The following SAXO1 variants were observed in gnomAD, a reference collection of about 807,000 sequenced individuals.
The protein encoded by SAXO1 is 4930500O09Rik.
In SAXO1, 21 loss-of-function variants were observed where a neutral mutation model predicts 17.5. That is an observed-to-expected ratio of 1.20 (90% CI 0.85 to 1.72). The LOEUF is 1.72. Ranked by LOEUF, SAXO1 falls within the 40% of genes most tolerant of loss-of-function variation. The pLI, the probability that SAXO1 is intolerant of heterozygous loss-of-function variation, is 0.00. For synonymous variants in SAXO1, 274 were observed against 216.5 expected (o/e 1.27, Z -2.33); for missense variants, 843 against 596.0 (o/e 1.41, Z -4.32).
At chr9:19,027,434 T>G (rs979217848) in intron 1 of SAXO1, 6 of 756,576 alleles carry the variant, frequency 7.9e-6, no homozygotes, top group African/African-American at 1.7e-5. Context: ...ATCCAGGAAC[T>G]GGTGGAGGCC....
At chr9:19,016,094 A>G (rs532010020) in intron 1 of SAXO1, among the ~76,000 whole-genome samples, 22 of 152,176 alleles carry the variant, frequency 1.4e-4, no homozygotes, top group African/African-American at 5.1e-4. Context: ...TCCAAGGACA[A>G]TAATATAAGA....
chr9:19,016,677 G>A (rs2131004632), intron 1 of SAXO1, among the ~76,000 whole-genome samples: 1 of 152,114 alleles, frequency 6.6e-6, no homozygotes, highest in Non-Finnish European at 1.5e-5. Context: ...ATGTCCATTG[G>A]TGCCACAGAT....
chr9:18,999,799 T>C (rs1834176749), intron 1 of SAXO1, among the ~76,000 whole-genome samples: 1 of 146,844 alleles, frequency 6.8e-6, no homozygotes, highest in Non-Finnish European at 1.5e-5. Context: ...GAGGAGCACC[T>C]CTGCCCGGCT....
At chr9:19,005,113 AC>A (rs1006347892) in intron 1 of SAXO1, among the ~76,000 whole-genome samples, 4 of 152,224 alleles carry the variant, frequency 2.6e-5, no homozygotes, top group Non-Finnish European at 5.9e-5. Context: ...AAACTACAAG[AC>A]ATTGCTGAAA....
intron 1 of SAXO1, chr9:19,028,221 C>G (rs1835594575): frequency 4.2e-6 from 4 of 962,904 alleles, no homozygotes; most frequent in East Asian, 2.7e-5. Flanking sequence ...AAAAAAAATA[C>G]AAAAATTAGC....
At chr9:19,005,933 G>T (rs1022774401) in intron 1 of SAXO1, among the ~76,000 whole-genome samples, 1 of 151,834 alleles carries the variant, frequency 6.6e-6, no homozygotes, top group Non-Finnish European at 1.5e-5. Context: ...TTTTAAAATG[G>T]CAAAAACAAA....
chr9:18,957,271 T>A (rs957695686), intron 1 of SAXO1, among the ~76,000 whole-genome samples: 5 of 152,070 alleles, frequency 3.3e-5, no homozygotes, highest in Non-Finnish European at 7.4e-5. Context: ...TAAACGAGAG[T>A]GTCATTAGAT....
At chr9:18,956,654 T>A (rs1661348866) in intron 1 of SAXO1, among the ~76,000 whole-genome samples, 3 of 152,312 alleles carry the variant, frequency 2.0e-5, no homozygotes, top group South Asian at 2.1e-4. Flanking sequence ...CGAACTTCAA[T>A]CTTCTCCTCT....
At chr9:18,943,360 T>C (rs759533194) in intron 2 of SAXO1, among the ~76,000 whole-genome samples, 1 of 152,180 alleles carries the variant, frequency 6.6e-6, no homozygotes, top group Non-Finnish European at 1.5e-5. Context: ...ACTGTACATA[T>C]CGGGGCTTAT....
intron 2 of SAXO1, chr9:18,947,871 G>T (rs953862439): frequency 6.6e-6 from 1 of 152,194 alleles, no homozygotes; most frequent in African/African-American, 2.4e-5. Flanking sequence ...CATGCCTCAC[G>T]CTGGGATGAT....
chr9:18,973,615 G>A (rs1293923565), intron 1 of SAXO1, among the ~76,000 whole-genome samples: 1 of 152,214 alleles, frequency 6.6e-6, no homozygotes, highest in East Asian at 1.9e-4. Flanking sequence ...CAAGCTGGGT[G>A]TCTCATCTGT....
chr9:19,030,076 T>C (rs1588562755), intron 1 of SAXO1, among the ~76,000 whole-genome samples: 1 of 152,074 alleles, frequency 6.6e-6, no homozygotes, highest in African/African-American at 2.4e-5. Flanking sequence ...TTTTCTTTGA[T>C]GGGGAGCCAC....
At chr9:18,951,007 C>T (rs930104236) in intron 1 of SAXO1, 70 bp from the exon 2 acceptor site, 2 of 1,436,122 alleles carry the variant, frequency 1.4e-6, no homozygotes, top group Non-Finnish European at 1.9e-6. Context: ...AAGAGTACTT[C>T]CGCCAAATGT....
chr9:18,971,255 T>G (rs1427864555), intron 1 of SAXO1, among the ~76,000 whole-genome samples: 1 of 152,156 alleles, frequency 6.6e-6, no homozygotes, highest in Non-Finnish European at 1.5e-5. Context: ...TCTCCACTGC[T>G]CGTAAGCTGC....
At chr9:18,975,203 CTGCAGGCTGGGGAAGCAGGGAGAG>C (rs143134016) in intron 1 of SAXO1, among the ~76,000 whole-genome samples, 119,502 of 149,784 alleles carry the variant, frequency 0.8, 48,012 homozygotes, top group Non-Finnish European at 0.83. Context: ...AGCAAGGAGG[CTGCAGGCTGGGGAAGCAGGGAGAG>C]TGCAGGCTGG....
intron 1 of SAXO1, among the ~76,000 whole-genome samples, chr9:18,993,977 C>CTTTCTT (rs1340008014): frequency 5.9e-5 from 9 of 152,186 alleles, no homozygotes; most frequent in Non-Finnish European, 1.3e-4. Flanking sequence ...AAAGGCGAAC[C>CTTTCTT]TACAAAATGA....
chr9:18,944,836 G>A (rs1831721173), intron 2 of SAXO1, among the ~76,000 whole-genome samples: 1 of 152,176 alleles, frequency 6.6e-6, no homozygotes, highest in Admixed American at 6.5e-5. Flanking sequence ...ATGACAAAGG[G>A]CCATGCAACA....
intron 1 of SAXO1, among the ~76,000 whole-genome samples, chr9:19,032,278 A>G (rs774705732): frequency 2.6e-4 from 40 of 152,324 alleles, no homozygotes; most frequent in Non-Finnish European, 4.0e-4. Context: ...GACTCTGACT[A>G]AAGTCCATGA....
At chr9:19,042,254 C>A (rs989009865) in intron 1 of SAXO1, among the ~76,000 whole-genome samples, 4 of 152,056 alleles carry the variant, frequency 2.6e-5, no homozygotes, top group African/African-American at 7.2e-5. Context: ...ATCATGTCAC[C>A]CCAGTTAAAA....
Sources: gnomAD v4.1 joint callset for allele counts (sites outside exome capture counted in the v4.1 genomes callset) on GRCh38, gnomAD v4.1.1 for gene constraint, MANE v1.5 for transcripts, NCBI Gene and HGNC (gene_info 2026-07-23, HGNC 2026-07-21) for gene names.